TMEM165: variants seen among roughly 807,000 people sequenced by gnomAD.
TMEM165 encodes putative divalent cation/proton antiporter TMEM165.
A neutral mutation model predicts 30.0 loss-of-function variants in TMEM165; 19 were observed. The observed-to-expected ratio is 0.63, with a 90% CI of 0.44 to 0.93. The LOEUF (loss-of-function observed/expected upper bound fraction) is 0.93. Among genes scored for constraint, TMEM165 ranks in the 40% least tolerant of loss-of-function variants. The probability of loss-of-function intolerance (pLI) is 0.00; values close to 1 mark genes in which losing one functional copy is unlikely to be tolerated. For missense variants in TMEM165, 340 were observed against 417.0 expected (o/e 0.82, Z 1.61); for synonymous variants, 168 against 162.9 (o/e 1.03, Z -0.24).
At chr4:55,446,650 G>GGCATGACTCAA (rs1311235163) in intron 3 of TMEM165, among the ~76,000 whole-genome samples, 2 of 152,118 alleles carry the variant, frequency 1.3e-5, no homozygotes, top group Middle Eastern at 3.2e-3. Context: ...TTATTTCTCT[G>GGCATGACTCAA]TTTTACTTGA....
intron 1 of TMEM165, among the ~76,000 whole-genome samples, chr4:55,399,947 G>T (rs993871311): frequency 3.3e-5 from 5 of 149,262 alleles, no homozygotes; most frequent in African/African-American, 1.2e-4. Flanking sequence ...TTTTAGTTAG[G>T]CATTTATTTA....
chr4:55,443,934 G>T (rs760074243), intron 3 of TMEM165: 1 of 1,572,334 alleles, frequency 6.4e-7, no homozygotes, highest in South Asian at 1.1e-5. Flanking sequence ...GAGCTTTGTA[G>T]ATTGAAAAGA....
intron 5 of TMEM165, among the ~76,000 whole-genome samples, chr4:55,425,034 C>T (rs976841104): frequency 2.6e-5 from 4 of 152,194 alleles, no homozygotes; most frequent in Admixed American, 6.5e-5. Flanking sequence ...ATGGAAGAAT[C>T]GTCTCTTTGC....
chr4:55,438,345 C>T, intron 3 of TMEM165: 1 of 1,614,036 alleles, frequency 6.2e-7, no homozygotes, highest in South Asian at 1.1e-5. Flanking sequence ...CTGAAGTGAG[C>T]TGCTGCTCCT....
chr4:55,427,787 A>ATCT (rs542580497), downstream of TMEM165: 124 of 152,352 alleles, frequency 8.1e-4, no homozygotes, highest in African/African-American at 2.8e-3. Flanking sequence ...AGGCACCACA[A>ATCT]TCTTGTAGCA....
At chr4:55,443,661 T>C (rs768712238) in intron 3 of TMEM165, 38 of 1,576,218 alleles carry the variant, frequency 2.4e-5, no homozygotes, top group Non-Finnish European at 2.8e-5. Flanking sequence ...GATCACTCCA[T>C]AGCCCGCTGT....
intron 3 of TMEM165, chr4:55,448,986 G>C (rs1015859166): frequency 2.4e-6 from 2 of 819,834 alleles, no homozygotes; most frequent in East Asian, 2.7e-5. Flanking sequence ...TCATACTTTT[G>C]TTAGCTGAAT....
intron 1 of TMEM165, among the ~76,000 whole-genome samples, chr4:55,408,863 C>T (rs1190261838): frequency 1.3e-5 from 2 of 150,564 alleles, no homozygotes; most frequent in African/African-American, 4.9e-5. Flanking sequence ...TTATACAAAC[C>T]TTTAAAAAGC....
chr4:55,400,116 A>G (rs1720890010), intron 1 of TMEM165, among the ~76,000 whole-genome samples: 1 of 137,912 alleles, frequency 7.3e-6, no homozygotes, highest in Non-Finnish European at 1.5e-5. Context: ...AAGTGGTGGG[A>G]TTACAGGCAT....
At chr4:55,452,799 T>G (rs1165277956) in exon 4 of TMEM165, 1 of 305,658 alleles carries the variant, frequency 3.3e-6, no homozygotes, top group African/African-American at 2.2e-5. Context: ...ATAAATAACC[T>G]AGCCAGAGAC....
intron 1 of TMEM165, chr4:55,403,332 G>A (rs907878959): frequency 4.0e-6 from 5 of 1,256,456 alleles, no homozygotes; most frequent in East Asian, 5.6e-5. Flanking sequence ...TGGAGATTCC[G>A]ATGCAGGTAT....
chr4:55,441,899 G>C (rs1380464121), intron 3 of TMEM165, among the ~76,000 whole-genome samples: 2 of 152,210 alleles, frequency 1.3e-5, no homozygotes, highest in Non-Finnish European at 2.9e-5. Context: ...CAAGGTCTGT[G>C]TTCAGAGTTC....
chr4:55,443,943 G>A, intron 3 of TMEM165: 1 of 1,548,522 alleles, frequency 6.5e-7, no homozygotes, highest in Non-Finnish European at 8.8e-7. Flanking sequence ...AGATTGAAAA[G>A]AAGAATGAGC....
intron 3 of TMEM165, chr4:55,444,646 C>T (rs756851458): frequency 6.2e-7 from 1 of 1,614,014 alleles, no homozygotes; most frequent in South Asian, 1.1e-5. Flanking sequence ...CAGCCCCTGA[C>T]CATGGACCAT....
At chr4:55,414,614 C>G (rs1721652798) in intron 2 of TMEM165, among the ~76,000 whole-genome samples, 1 of 152,126 alleles carries the variant, frequency 6.6e-6, no homozygotes, top group Admixed American at 6.5e-5. Flanking sequence ...TGCCCCTGAC[C>G]CCTCAATAAT....
At chr4:55,435,236 T>C in intron 3 of TMEM165, 1 of 683,684 alleles carries the variant, frequency 1.5e-6, no homozygotes, top group Non-Finnish European at 2.5e-6. Context: ...GGCTGGTATT[T>C]AATGTACATC....
At position 55,401,292 on chromosome 4, in the gene TMEM165, T is replaced by C. The variant is rs1366203558; in HGVS notation, c.207+4896T>C. On this transcript the variant is annotated intron_variant, in intron 1 of 5. Coordinates refer to ENST00000381334, the MANE Select transcript of TMEM165 (RefSeq NM_018475.5). ...ACAAACCCATGATAAAAAGTGTTGTTGATTACTTGGATCCTATCTTTTCTG... is the reference window on the plus strand; with the variant it reads ...ACAAACCCATGATAAAAAGTGTTGTCGATTACTTGGATCCTATCTTTTCTG... Among the ~76,000 whole-genome samples the C allele has an allele frequency of 2.7e-5, 4 of 150,842 alleles. 1 individual carries two copies. The highest frequency in any genetic ancestry group is 1.0e-4 in the African/African-American group (4 of 40,134).
At chr4:55,442,707 C>A in intron 3 of TMEM165, 1 of 1,251,730 alleles carries the variant, frequency 8.0e-7, no homozygotes, top group South Asian at 1.3e-5. Flanking sequence ...TAGAATTCAT[C>A]ATTCTAACAA....
At chr4:55,435,363 C>T in intron 3 of TMEM165, 1 of 1,605,470 alleles carries the variant, frequency 6.2e-7, no homozygotes, top group Admixed American at 1.7e-5. Context: ...CTGAGTAACT[C>T]TTAATGGGCC....
Sources: allele counts gnomAD v4.1 joint callset (sites outside exome capture counted in the v4.1 genomes callset), GRCh38; gene constraint gnomAD v4.1.1; transcripts MANE v1.5; gene names NCBI Gene and HGNC (gene_info 2026-07-23, HGNC 2026-07-21).